The following NAA15 variants were observed in gnomAD, a reference collection of about 807,000 sequenced individuals.
The protein encoded by NAA15 is N-terminal acetyltransferase.
A neutral mutation model predicts 114.0 loss-of-function variants in NAA15; 34 were observed. That is an observed-to-expected ratio of 0.30 (90% CI 0.23 to 0.40). The LOEUF is 0.40. NAA15 is among the 10% of genes least tolerant of loss of function. NAA15 has a pLI of 1.00. For missense variants in NAA15, 658 were observed against 1,004.5 expected (o/e 0.66, Z 4.66); for synonymous variants, 340 against 338.0 (o/e 1.01, Z -0.06).
chr4:139,307,148 A>G (rs890053877), intron 1 of NAA15, among the ~76,000 whole-genome samples: 5 of 152,234 alleles, frequency 3.3e-5, no homozygotes, highest in African/African-American at 1.2e-4. Flanking sequence ...TGAGAAATCT[A>G]CCATTTGCCA....
Position 139,361,871 on chromosome 4 carries a change from G to A in NAA15, c.1687G>A (p.Glu563Lys), listed in dbSNP as rs749296467. 5.0e-6 allele frequency: 8 copies of A among 1,613,776 alleles called. No individual in the cohort carries two copies. In the East Asian group the frequency reaches 1.8e-4, roughly 36 times the overall value. ...CTTCAAGGCAGCAAGAATTGCTATAGAGATCTATTTGAAGCTTCATGACAA... is the reference window on the plus strand; with the variant it reads ...CTTCAAGGCAGCAAGAATTGCTATAAAGATCTATTTGAAGCTTCATGACAA... ...FYFKAARIAI[E>K]IYLKLHDNPL... is the part of the protein sequence containing the mutation. Residue 563 changes from glutamate (E) to lysine (K), a missense_variant, in exon 14 of 20, where the codon GAG becomes AAG. Around this residue, in one of 6 missense-constraint regions of NAA15, gnomAD observed 275 missense variants for 371.1 expected, o/e 0.74. Coordinates refer to ENST00000296543, the MANE Select transcript of NAA15 (RefSeq NM_057175.5).
chr4:139,358,530 T>A (rs1163346042), intron 11 of NAA15, among the ~76,000 whole-genome samples: 3 of 151,550 alleles, frequency 2.0e-5, no homozygotes, highest in Non-Finnish European at 4.4e-5. Flanking sequence ...TTATTTTTTT[T>A]ATTAATTTTT....
intron 10 of NAA15, among the ~76,000 whole-genome samples, chr4:139,356,094 A>G (rs1747940184): frequency 6.6e-6 from 1 of 152,228 alleles, no homozygotes; most frequent in Non-Finnish European, 1.5e-5. Context: ...AAAAAGTATT[A>G]TGAATTCATG....
At chr4:139,338,903 T>C (rs1482010513) in intron 3 of NAA15, among the ~76,000 whole-genome samples, 5 of 152,044 alleles carry the variant, frequency 3.3e-5, no homozygotes, top group African/African-American at 1.2e-4. Flanking sequence ...CTCTACCTCC[T>C]GGGTTCAGGT....
At chr4:139,324,567 G>C (rs891172225) in intron 1 of NAA15, among the ~76,000 whole-genome samples, 1 of 152,198 alleles carries the variant, frequency 6.6e-6, no homozygotes, top group Non-Finnish European at 1.5e-5. Flanking sequence ...TAAAACATAT[G>C]TTGAAAGTAT....
At chr4:139,330,159 A>G (rs1468054515) in intron 1 of NAA15, among the ~76,000 whole-genome samples, 2 of 152,262 alleles carry the variant, frequency 1.3e-5, no homozygotes, top group Non-Finnish European at 2.9e-5. Context: ...TGAAGGTTTT[A>G]TGAACAGTGA....
rs539223430 is a variant in NAA15, at chr4:139,328,395, C to T, written c.55-5779C>T. Among the ~76,000 whole-genome samples, 37 of 151,540 alleles carry T rather than the reference C, an allele frequency of 2.4e-4. 2 individuals are homozygous for T. In the South Asian group the frequency reaches 6.9e-3, roughly 28 times the overall value. ...CTAACTTTTGTATTTTCAGTAGAGA[C>T]GGAGGTTTCACCATGTTGTCCAGAC... is the stretch of plus-strand genomic sequence containing the variant. On this transcript the variant is annotated intron_variant, in intron 1 of 19. Coordinates refer to ENST00000296543, the MANE Select transcript of NAA15 (RefSeq NM_057175.5).
chr4:139,320,852 A>G (rs1746575706), intron 1 of NAA15, among the ~76,000 whole-genome samples: 1 of 151,952 alleles, frequency 6.6e-6, no homozygotes, highest in Admixed American at 6.6e-5. Flanking sequence ...GAGACTCATC[A>G]TGTTGCCCAG....
At chr4:139,341,368 G>T (rs1747381189) in intron 4 of NAA15, among the ~76,000 whole-genome samples, 1 of 151,644 alleles carries the variant, frequency 6.6e-6, no homozygotes, top group East Asian at 2.0e-4. Flanking sequence ...GGCCCAGGTG[G>T]GTGAATCATG....
At chr4:139,351,964 G>A (rs1441018155) in intron 9 of NAA15, among the ~76,000 whole-genome samples, 1 of 151,094 alleles carries the variant, frequency 6.6e-6, no homozygotes, top group Non-Finnish European at 1.5e-5. Context: ...TTTAACTTAA[G>A]TTTTAGCTTA....
intron 1 of NAA15, among the ~76,000 whole-genome samples, chr4:139,309,258 G>C (rs974848327): frequency 1.3e-5 from 2 of 150,440 alleles, no homozygotes; most frequent in African/African-American, 4.9e-5. Context: ...TGAGGCGGGA[G>C]AATTATTTGA....
intron 1 of NAA15, among the ~76,000 whole-genome samples, chr4:139,321,318 T>A (rs932534975): frequency 1.3e-5 from 2 of 151,978 alleles, no homozygotes; most frequent in Non-Finnish European, 2.9e-5. Flanking sequence ...TTAAAAAAAA[T>A]TTATAGCCTT....
chr4:139,304,395 CACTTT>C (rs748635330), intron 1 of NAA15, among the ~76,000 whole-genome samples: 3 of 152,328 alleles, frequency 2.0e-5, no homozygotes, highest in South Asian at 2.1e-4. Flanking sequence ...CAGATTTCCC[CACTTT>C]ACTTGTACAC....
At chr4:139,327,935 G>A (rs184120984) in intron 1 of NAA15, among the ~76,000 whole-genome samples, 21 of 152,204 alleles carry the variant, frequency 1.4e-4, no homozygotes, top group African/African-American at 4.6e-4. Context: ...AAAGTTCCAG[G>A]ATTACAGGTG....
intron 5 of NAA15, 138 bp downstream of exon 5, chr4:139,343,098 C>T (rs1027625172): frequency 1.1e-5 from 7 of 652,260 alleles, no homozygotes; most frequent in Admixed American, 9.5e-5. Context: ...AAGAACTCTA[C>T]ATAGGGGTTC....
chr4:139,337,022 A>G (rs187018039), intron 3 of NAA15, 70 bp downstream of exon 3: 4 of 896,126 alleles, frequency 4.5e-6, no homozygotes, highest in African/African-American at 1.7e-5. Flanking sequence ...TTGAGAGTCA[A>G]AGTTTTAGAT....
At chr4:139,345,299 T>C (rs1747544865) in intron 6 of NAA15, among the ~76,000 whole-genome samples, 1 of 152,204 alleles carries the variant, frequency 6.6e-6, no homozygotes, top group Non-Finnish European at 1.5e-5. Flanking sequence ...TTTAGTAGTC[T>C]GTTAATCACA....
Position 139,358,773 on chromosome 4 carries a change from G to C in NAA15, c.1258-970G>C, listed in dbSNP as rs138175071. 4.2e-3 allele frequency among the ~76,000 whole-genome samples: 646 copies of C among 152,214 alleles called. 9 individuals carry two copies. Among genetic ancestry groups the C allele is most frequent in the African/African-American group, 0.015 (618 of 41,544 alleles). On this transcript the variant is annotated intron_variant, in intron 11 of 19. Transcript: ENST00000296543. ...GTAATGTTTCCATGGTTCCTTTAGC[G>C]TACAGATTTGGCTATGCCTTTTATG...
rs578047181 is a variant in NAA15, at chr4:139,360,658, G to T, written c.1539+30G>T. On this transcript the variant is annotated intron_variant, in intron 13 of 19. Coordinates refer to ENST00000296543, the MANE Select transcript of NAA15 (RefSeq NM_057175.5). Reference sequence around the variant, plus strand: ...GTACCTTCTACATAAAAGTTTTCTTGTTTTATTCTGTCGATGGTTTTGGAC... The same window carrying T: ...GTACCTTCTACATAAAAGTTTTCTTTTTTTATTCTGTCGATGGTTTTGGAC... 1.6e-5 allele frequency: 24 copies of T among 1,538,000 alleles called. No homozygotes were observed. In the African/African-American group the frequency reaches 3.0e-4, roughly 19 times the overall value.
Sources: gnomAD v4.1 joint callset for allele counts (sites outside exome capture counted in the v4.1 genomes callset) on GRCh38, gnomAD v4.1.1 for gene constraint, gnomAD v4.1.1 regional missense constraint, MANE v1.5 for transcripts, NCBI Gene and HGNC (gene_info 2026-07-23, HGNC 2026-07-21) for gene names.